Variants in SLC38A6 observed in about 807,000 individuals in gnomAD.
SLC38A6 encodes solute carrier family 38 member 6.
Under a neutral mutation model 65.0 loss-of-function variants are expected in SLC38A6, and 73 were observed. The ratio of observed to expected loss-of-function variants is 1.12; its 90% CI spans 0.93 to 1.37. The LOEUF (loss-of-function observed/expected upper bound fraction) is 1.37, where lower values mean the gene tolerates loss of function less well. Among genes scored for constraint, SLC38A6 ranks in the 40% most tolerant of loss-of-function variants. The pLI is 0.00. For synonymous variants in SLC38A6, 183 were observed against 178.8 expected (o/e 1.02, Z -0.19); for missense variants, 561 against 531.1 (o/e 1.06, Z -0.55).
rs117963050 is a variant in SLC38A6, at chr14:61,079,311, A to G, written c.1408+384A>G. Among the ~76,000 whole-genome samples, 1,077 of 151,094 alleles carry G rather than the reference A, an allele frequency of 7.1e-3. 13 individuals carry two copies. The highest frequency in any genetic ancestry group is 0.016 in the South Asian group (74 of 4,748). On this transcript the variant is annotated intron_variant, in intron 16 of 16. Coordinates refer to the SLC38A6 transcript ENST00000354886. ...ACTACTACACCTAGCTAATTTTTCT[A>G]TTTTTATTAGAGGCGGGGTTTCACC...
chr14:61,062,534 C>G (rs1278500447), intron 15 of SLC38A6, among the ~76,000 whole-genome samples: 1 of 151,654 alleles, frequency 6.6e-6, no homozygotes, highest in Non-Finnish European at 1.5e-5. Flanking sequence ...GCTATGTTGC[C>G]CCGACTGGAT....
At chr14:61,037,219 G>A (rs1426658896) in intron 7 of SLC38A6, 78 bp downstream of exon 7, 2 of 1,104,788 alleles carry the variant, frequency 1.8e-6, no homozygotes, top group African/African-American at 3.2e-5. Flanking sequence ...AATATTAAGG[G>A]GCTTTAAAAT....
At chr14:60,985,971 A>G (rs914988215) in intron 3 of SLC38A6, among the ~76,000 whole-genome samples, 1 of 152,228 alleles carries the variant, frequency 6.6e-6, no homozygotes, top group Non-Finnish European at 1.5e-5. Flanking sequence ...AAACTCACTC[A>G]TTACCCCAAG....
rs2042555873 is a variant in SLC38A6 at position 61,052,331 on chromosome 14, T to C, written c.1291-18T>C. On this transcript the variant is annotated intron_variant, in intron 15 of 15. Transcript: ENST00000267488. ...CTTTTATCTTTCTTATCTTTTATCT[T>C]TTTTCTTATTTCCACAGGCATTCGT... 2 of 1,559,076 alleles carry C rather than the reference T, an allele frequency of 1.3e-6. No homozygotes were observed. The highest frequency in any genetic ancestry group is 2.8e-5 in the African/African-American group (2 of 71,980).
chr14:61,013,695 G>C (rs1225693584), intron 3 of SLC38A6, among the ~76,000 whole-genome samples: 2 of 152,192 alleles, frequency 1.3e-5, no homozygotes, highest in Non-Finnish European at 2.9e-5. Context: ...TTTTCTTTAA[G>C]AATGTTGAAT....
intron 3 of SLC38A6, among the ~76,000 whole-genome samples, chr14:61,010,523 A>G (rs1162465580): frequency 2.6e-5 from 4 of 152,300 alleles, no homozygotes; most frequent in East Asian, 3.9e-4. Context: ...TAGGTCTAAC[A>G]TTTAAGTCTT....
At chr14:60,997,563 C>T (rs1180181035) in intron 3 of SLC38A6, among the ~76,000 whole-genome samples, 1 of 152,184 alleles carries the variant, frequency 6.6e-6, no homozygotes, top group Admixed American at 6.5e-5. Context: ...GATTGTCTTT[C>T]TCATTTGTCG....
At chr14:61,061,793 A>G (rs944908465) in intron 15 of SLC38A6, among the ~76,000 whole-genome samples, 1 of 151,456 alleles carries the variant, frequency 6.6e-6, no homozygotes, top group African/African-American at 2.4e-5. Flanking sequence ...TGCAATTACA[A>G]ATAAAGCTGC....
intron 3 of SLC38A6, among the ~76,000 whole-genome samples, chr14:60,998,228 A>C (rs1463171371): frequency 6.6e-5 from 10 of 151,868 alleles, no homozygotes; most frequent in Non-Finnish European, 1.2e-4. Context: ...CCATGGCCCT[A>C]ATTGGGAACA....
chr14:61,026,520 G>A (rs917165726), intron 5 of SLC38A6, among the ~76,000 whole-genome samples: 1 of 152,064 alleles, frequency 6.6e-6, no homozygotes, highest in Non-Finnish European at 1.5e-5. Flanking sequence ...AATGTTCTCT[G>A]TGATATTCAT....
At chr14:61,009,398 A>T (rs79812039) in intron 3 of SLC38A6, among the ~76,000 whole-genome samples, 22,417 of 151,898 alleles carry the variant, frequency 0.15, 1,989 homozygotes, top group East Asian at 0.4. Context: ...CTTTTATTTT[A>T]AATTATACTT....
intron 15 of SLC38A6, among the ~76,000 whole-genome samples, chr14:61,070,405 T>G (rs1594786999): frequency 6.6e-6 from 1 of 152,256 alleles, no homozygotes; most frequent in Admixed American, 6.5e-5. Context: ...TCTTTAAGGC[T>G]GAATAATATT....
intron 6 of SLC38A6, among the ~76,000 whole-genome samples, chr14:61,035,754 G>T (rs1000632089): frequency 4.6e-5 from 7 of 152,038 alleles, no homozygotes; most frequent in African/African-American, 1.4e-4. Context: ...TTTACTAGTT[G>T]TATTTCTTTC....
intron 4 of SLC38A6, among the ~76,000 whole-genome samples, chr14:61,016,944 GCTAAA>G (rs2040048386): frequency 1.3e-5 from 2 of 152,228 alleles, no homozygotes; most frequent in African/African-American, 2.4e-5. Context: ...TCTGTAACTG[GCTAAA>G]CTAACTTCTG....
At chr14:61,052,897 A>G (rs77721726), downstream of SLC38A6, 231 of 152,958 alleles carry the variant, frequency 1.5e-3, 1 homozygote, top group Admixed American at 2.8e-3. Context: ...TTTAACTTTT[A>G]TTTTAGGTTC....
chr14:61,016,528 C>G (rs2040021765), intron 4 of SLC38A6, among the ~76,000 whole-genome samples: 1 of 152,106 alleles, frequency 6.6e-6, no homozygotes, highest in African/African-American at 2.4e-5. Context: ...TTTTCTTACT[C>G]AGAATAAGAG....
At chr14:61,038,999 G>T (rs1292800272) in intron 8 of SLC38A6, among the ~76,000 whole-genome samples, 3 of 152,152 alleles carry the variant, frequency 2.0e-5, no homozygotes, top group African/African-American at 7.2e-5. Context: ...TGAATGTATG[G>T]ATATTAAAGA....
intron 12 of SLC38A6, among the ~76,000 whole-genome samples, chr14:61,046,970 G>A (rs780486671): frequency 1.4e-4 from 22 of 152,104 alleles, no homozygotes; most frequent in Non-Finnish European, 2.9e-4. Flanking sequence ...TTTATTTTTG[G>A]ATGTTGGGTT....
At chr14:60,981,595 A>T (rs2037025779) in intron 1 of SLC38A6, 1 of 1,502,070 alleles carries the variant, frequency 6.7e-7, no homozygotes, top group African/African-American at 1.4e-5. Context: ...CTAGAAAGAA[A>T]AGATGAAAAG....
Sources: gnomAD v4.1 joint callset for allele counts (sites outside exome capture counted in the v4.1 genomes callset) on GRCh38, gnomAD v4.1.1 for gene constraint, MANE v1.5 for transcripts, NCBI Gene and HGNC (gene_info 2026-07-23, HGNC 2026-07-21) for gene names.